The following TAF2 variants were observed in gnomAD, a reference collection of about 807,000 sequenced individuals.
TAF2 encodes transcription initiation factor TFIID subunit 2.
In TAF2, 61 loss-of-function variants were observed where a neutral mutation model predicts 138.5. The observed-to-expected ratio is 0.44, with a 90% CI of 0.36 to 0.54. TAF2 has a LOEUF of 0.54. Ranked by LOEUF, TAF2 falls within the 20% of genes least tolerant of loss-of-function variation. The pLI, the probability that TAF2 is intolerant of heterozygous loss-of-function variation, is 0.00. For missense variants in TAF2, 1,090 were observed against 1,427.9 expected (o/e 0.76, Z 3.81); for synonymous variants, 475 against 469.9 (o/e 1.01, Z -0.14).
Position 119,783,251 on chromosome 8 carries a change from G to C in TAF2, c.2112+130C>G, listed in dbSNP as rs1157937462. The C allele has an allele frequency of 4.7e-6, 5 of 1,073,900 alleles. No homozygotes were observed. In the African/African-American group the frequency reaches 8.0e-5, roughly 17 times the overall value. 66.5% of individuals were successfully genotyped at this position (1,073,900 alleles called of 1,614,324 possible). ...TCAAAACAGTCCTATTAATTTAAAA[G>C]CACTTTGGCAAAAGCTTTCAAAGAA... is the stretch of plus-strand genomic sequence containing the variant. On this transcript the variant is annotated intron_variant, in intron 16 of 25. Coordinates refer to ENST00000378164, the MANE Select transcript of TAF2 (RefSeq NM_003184.4).
At chr8:119,802,764 T>A (rs1369501427) in intron 5 of TAF2, among the ~76,000 whole-genome samples, 1 of 151,964 alleles carries the variant, frequency 6.6e-6, no homozygotes, top group Non-Finnish European at 1.5e-5. Flanking sequence ...AATACAAAAA[T>A]TGGCCAGGCA....
intron 3 of TAF2, among the ~76,000 whole-genome samples, chr8:119,811,769 G>A (rs1217776613): frequency 7.3e-6 from 1 of 136,352 alleles, no homozygotes; most frequent in Admixed American, 7.9e-5. Flanking sequence ...TAGCGCCACT[G>A]CAGTCCAGCT....
At chr8:119,765,131 T>C (rs1466021957) in intron 18 of TAF2, among the ~76,000 whole-genome samples, 1 of 152,158 alleles carries the variant, frequency 6.6e-6, no homozygotes, top group Non-Finnish European at 1.5e-5. Context: ...ATAAATTAAA[T>C]ACTTCCTAAA....
chr8:119,764,653 C>T (rs1039522408), intron 18 of TAF2, among the ~76,000 whole-genome samples: 2 of 152,038 alleles, frequency 1.3e-5, no homozygotes, highest in African/African-American at 2.4e-5. Flanking sequence ...TGACAAACAC[C>T]TTCAACCACA....
At chr8:119,744,237 ACAT>A in intron 24 of TAF2, 48 bp downstream of exon 24, 1 of 1,450,196 alleles carries the variant, frequency 6.9e-7, no homozygotes, top group African/African-American at 1.4e-5. Flanking sequence ...TAGAATACTG[ACAT>A]CAACCAATGT....
intron 22 of TAF2, among the ~76,000 whole-genome samples, chr8:119,751,710 TG>T (rs1387628341): frequency 6.6e-6 from 1 of 152,218 alleles, no homozygotes; most frequent in Non-Finnish European, 1.5e-5. Context: ...TGAATTAATA[TG>T]TGAAACCTTT....
intron 22 of TAF2, among the ~76,000 whole-genome samples, chr8:119,747,956 T>C (rs1820094315): frequency 1.3e-5 from 2 of 152,086 alleles, no homozygotes; most frequent in South Asian, 4.1e-4. Flanking sequence ...AAGCCCACTC[T>C]CTACTAAAAA....
At chr8:119,827,734 ATTTTTT>A (rs58428759) in intron 2 of TAF2, among the ~76,000 whole-genome samples, 9 of 144,060 alleles carry the variant, frequency 6.2e-5, no homozygotes, top group Admixed American at 2.1e-4. Context: ...CATGGAAGGA[ATTTTTT>A]TTTTTTTTTT....
At chr8:119,827,248 A>G (rs1480677662) in intron 2 of TAF2, among the ~76,000 whole-genome samples, 2 of 152,102 alleles carry the variant, frequency 1.3e-5, no homozygotes, top group African/African-American at 4.8e-5. Context: ...CTCAAATATC[A>G]TGTTCTTCAG....
In TAF2 at chr8:119,832,601, A is replaced by AGG; in HGVS notation, c.-39_-38dup. 6.3e-7 allele frequency: 1 copy of AGG among 1,594,420 alleles called. No homozygotes were observed. The highest frequency in any genetic ancestry group is 8.6e-7 in the Non-Finnish European group (1 of 1,166,614). On this transcript the variant is annotated 5_prime_UTR_variant, in exon 1 of 26. It introduces an in-frame stop codon into an upstream open reading frame of the 5' UTR. Transcript: ENST00000378164. Reference sequence around the variant, plus strand: ...GCGGAGCTTGGCTTCCCGGCTTCCTAGGGGGATACGGGGCATTACTAGTCT... The same window carrying AGG: ...GCGGAGCTTGGCTTCCCGGCTTCCTAGGGGGGGATACGGGGCATTACTAGTCT...
intron 18 of TAF2, among the ~76,000 whole-genome samples, chr8:119,776,558 G>A (rs1403016452): frequency 7.9e-5 from 12 of 151,300 alleles, no homozygotes; most frequent in Admixed American, 1.3e-4. Flanking sequence ...GCGTAGTGGC[G>A]GGTACCTGTA....
At chr8:119,813,658 G>T (rs1215781627) in intron 3 of TAF2, among the ~76,000 whole-genome samples, 1 of 152,234 alleles carries the variant, frequency 6.6e-6, no homozygotes, top group African/African-American at 2.4e-5. Flanking sequence ...ATGAGGAATG[G>T]TTGAGAGTAA....
At chr8:119,803,792 T>C (rs1343180132) in intron 5 of TAF2, 86 bp downstream of exon 5, 4 of 1,299,796 alleles carry the variant, frequency 3.1e-6, no homozygotes, top group Non-Finnish European at 1.1e-6. Context: ...CTAGTATTTC[T>C]TGTTTTACAC....
At chr8:119,759,223 T>A (rs1158019107) in intron 20 of TAF2, among the ~76,000 whole-genome samples, 1 of 152,134 alleles carries the variant, frequency 6.6e-6, no homozygotes, top group Non-Finnish European at 1.5e-5. Context: ...GGAAAGGATA[T>A]TTTAACCTTC....
At chr8:119,811,757 G>A (rs1825074552) in intron 3 of TAF2, among the ~76,000 whole-genome samples, 1 of 136,024 alleles carries the variant, frequency 7.4e-6, no homozygotes, top group African/African-American at 2.8e-5. Context: ...AGTGAGCCGG[G>A]ATAGCGCCAC....
Position 119,742,509 on chromosome 8 carries a change from A to C in TAF2, c.3337+25T>G. On this transcript the variant is annotated intron_variant, in intron 25 of 25. Coordinates refer to ENST00000378164, the MANE Select transcript of TAF2 (RefSeq NM_003184.4). ...TAGATTTGTTCTTGAACAAAATAATATTAATTCTGATTAATTATTTTTACC... is the reference window on the plus strand; with the variant it reads ...TAGATTTGTTCTTGAACAAAATAATCTTAATTCTGATTAATTATTTTTACC... 1.9e-6 allele frequency: 3 copies of C among 1,610,398 alleles called. No homozygotes were observed. In the South Asian group the frequency reaches 3.3e-5, roughly 18 times the overall value.
intron 21 of TAF2, among the ~76,000 whole-genome samples, chr8:119,757,518 G>C (rs1025917966): frequency 6.6e-6 from 1 of 151,728 alleles, no homozygotes; most frequent in Non-Finnish European, 1.5e-5. Flanking sequence ...GAAGAAAAGT[G>C]AAGTTTCTGT....
Position 119,795,518 on chromosome 8 carries a change from CT to C in TAF2, c.1191+13del. On this transcript the variant is annotated intron_variant, in intron 9 of 25. Coordinates refer to ENST00000378164, the MANE Select transcript of TAF2 (RefSeq NM_003184.4). The stretch of plus-strand genomic sequence containing the variant: ...TAAGACTTGTAAGTGGATAAGGGAT[CT>C]AGCTGTTATTACCTCTTTAATCCAA... 6.3e-7 allele frequency: 1 copy of C among 1,599,774 alleles called. No homozygotes were observed. Among genetic ancestry groups the C allele is most frequent in the Non-Finnish European group, 8.6e-7 (1 of 1,167,182 alleles).
chr8:119,756,868 G>A (rs1820734111), intron 21 of TAF2, among the ~76,000 whole-genome samples: 1 of 152,092 alleles, frequency 6.6e-6, no homozygotes, highest in Non-Finnish European at 1.5e-5. Flanking sequence ...TAAGAGGCTA[G>A]AAAAAAGAAA....
Sources: allele counts gnomAD v4.1 joint callset (sites outside exome capture counted in the v4.1 genomes callset), GRCh38; gene constraint gnomAD v4.1.1; transcripts MANE v1.5; gene names NCBI Gene and HGNC (gene_info 2026-07-23, HGNC 2026-07-21).